The following PATJ variants were observed in gnomAD, a reference collection of about 807,000 sequenced individuals.
PATJ encodes the protein PATJ crumbs cell polarity complex component.
A neutral mutation model predicts 224.9 loss-of-function variants in PATJ; 190 were observed. The ratio of observed to expected loss-of-function variants is 0.84; its 90% CI spans 0.75 to 0.95. The LOEUF (loss-of-function observed/expected upper bound fraction) is 0.95, where lower values mean the gene tolerates loss of function less well. Among genes scored for constraint, PATJ ranks in the 40% least tolerant of loss-of-function variants. The pLI, the probability that PATJ is intolerant of heterozygous loss-of-function variation, is 0.00. For missense variants in PATJ, 2,121 were observed against 2,270.3 expected, an observed-to-expected ratio of 0.93 and a Z score of 1.34; for synonymous variants, 769 against 820.3, an observed-to-expected ratio of 0.94 and a Z score of 1.07.
At chr1:62,024,384 T>C (rs1278831450) in intron 29 of PATJ, among the ~76,000 whole-genome samples, 3 of 152,146 alleles carry the variant, frequency 2.0e-5, no homozygotes, top group Admixed American at 1.3e-4. Flanking sequence ...TTTCAGAAGT[T>C]GATATTGGTC....
At chr1:61,914,520 GA>G (rs546256927) in intron 25 of PATJ, 66 bp from the exon 26 acceptor site, 43 of 740,770 alleles carry the variant, frequency 5.8e-5, no homozygotes, top group South Asian at 1.1e-4. Flanking sequence ...AATGTCAAGA[GA>G]AAAAAAAGGA....
At chr1:62,127,880 A>G in intron 39 of PATJ, 92 bp from the exon 40 acceptor site, 2 of 1,304,650 alleles carry the variant, frequency 1.5e-6, no homozygotes, top group South Asian at 1.3e-5. Flanking sequence ...TACCTCATGG[A>G]GGGATTTTGT....
In PATJ at chr1:61,952,253, T is replaced by TGAGA. The variant is rs111315851; in HGVS notation, c.3670+24447_3670+24450dup. 2,144 of 475,130 alleles carry TGAGA rather than the reference T, an allele frequency of 4.5e-3. 110 individuals are homozygous for TGAGA. In the African/African-American group the frequency reaches 0.047, roughly 11 times the overall value. The allele number at this position is 475,130 out of a possible 1,614,324, so 29.4% of individuals were successfully genotyped here. A position where few individuals can be genotyped will look rare whatever the true frequency, so the allele number is the denominator to read the frequency against. On this transcript the variant is annotated intron_variant, in intron 27 of 43. Transcript: ENST00000642238. ...GGTTGCCCTTAAAGAGAACAAAATCTGAGAGAGAGAGAGAGAGAGAGAGAG... is the reference window on the plus strand; with the variant it reads ...GGTTGCCCTTAAAGAGAACAAAATCTGAGAGAGAGAGAGAGAGAGAGAGAGAGAG...
At chr1:61,902,942 G>T (rs1349125415) in intron 24 of PATJ, among the ~76,000 whole-genome samples, 1 of 152,166 alleles carries the variant, frequency 6.6e-6, no homozygotes, top group Non-Finnish European at 1.5e-5. Context: ...ACATGCAAAA[G>T]CTCCGAGGTA....
rs567919760 is a variant in PATJ, at chr1:62,043,729, G to T, written c.4032+5680G>T. On this transcript the variant is annotated intron_variant, in intron 30 of 43. Transcript: ENST00000642238. The stretch of plus-strand genomic sequence containing the variant: ...GTTTTTTTGTTTGGTTTTGGTTTGG[G>T]GGGGGCAGTTATTTTTTGAAACAGG... Among the ~76,000 whole-genome samples the T allele has an allele frequency of 9.9e-5, 15 of 151,570 alleles. 1 individual carries two copies. In the Middle Eastern group the frequency reaches 0.014, roughly 138 times the overall value.
At chr1:62,130,255 G>A (rs535627424) in intron 41 of PATJ, among the ~76,000 whole-genome samples, 82 of 152,300 alleles carry the variant, frequency 5.4e-4, no homozygotes, top group African/African-American at 1.9e-3. Context: ...GATGGCTTGA[G>A]CCCAAGAGTT....
chr1:61,952,469 T>C (rs1679860535), intron 27 of PATJ: 4 of 716,486 alleles, frequency 5.6e-6, no homozygotes, highest in Non-Finnish European at 7.8e-6. Flanking sequence ...TCTGATGCTG[T>C]TTTAGTGTTG....
chr1:61,937,545 G>C (rs1207210314), intron 27 of PATJ, among the ~76,000 whole-genome samples: 2 of 151,480 alleles, frequency 1.3e-5, no homozygotes, highest in African/African-American at 4.9e-5. Flanking sequence ...TTGCTAGGTG[G>C]AATAGTCTTT....
chr1:61,973,712 T>A (rs1241365476), intron 27 of PATJ, among the ~76,000 whole-genome samples: 1 of 151,974 alleles, frequency 6.6e-6, no homozygotes, highest in Non-Finnish European at 1.5e-5. Flanking sequence ...CTCACCACTT[T>A]CATAGTGATT....
At chr1:61,945,354 T>G (rs1430527988) in intron 27 of PATJ, among the ~76,000 whole-genome samples, 12 of 151,548 alleles carry the variant, frequency 7.9e-5, no homozygotes, top group Non-Finnish European at 1.5e-5. Flanking sequence ...GAGACACACA[T>G]AGGCTCAAAA....
At chr1:61,765,395 T>A (rs1646214599) in intron 3 of PATJ, among the ~76,000 whole-genome samples, 1 of 151,742 alleles carries the variant, frequency 6.6e-6, no homozygotes, top group African/African-American at 2.4e-5. Context: ...ATTCTGTTTT[T>A]TTTTTTGGAG....
chr1:62,120,132 T>C (rs1664880932), intron 37 of PATJ, among the ~76,000 whole-genome samples: 1 of 150,802 alleles, frequency 6.6e-6, no homozygotes. Context: ...CACTATGAAG[T>C]ATACTGAGAT....
At chr1:61,901,541 T>C in intron 24 of PATJ, 82 bp downstream of exon 24, 1 of 1,012,514 alleles carries the variant, frequency 9.9e-7, no homozygotes, top group Non-Finnish European at 1.5e-6. Context: ...GACCTTTCTT[T>C]ATGTGTTGGG....
rs1678490404 is a variant in PATJ, at chr1:61,945,246, T to C, written c.3670+17417T>C. On this transcript the variant is annotated intron_variant, in intron 27 of 43. Coordinates refer to ENST00000642238, the MANE Select transcript of PATJ (RefSeq NM_001350145.3). ...TAACAATATTAACCTTAAATGTAAATGGGCTAAATGCTCCAATTAAAAGAC... is the reference window on the plus strand; with the variant it reads ...TAACAATATTAACCTTAAATGTAAACGGGCTAAATGCTCCAATTAAAAGAC... Among the ~76,000 whole-genome samples the C allele has an allele frequency of 2.6e-5, 4 of 152,240 alleles. No homozygotes were observed. In the South Asian group the frequency reaches 8.4e-4, roughly 32 times the overall value.
intron 26 of PATJ, among the ~76,000 whole-genome samples, 191 bp from the exon 27 acceptor site, chr1:61,927,539 C>A (rs1275835626): frequency 6.6e-6 from 1 of 152,124 alleles, no homozygotes; most frequent in Non-Finnish European, 1.5e-5. Context: ...TGTGTTTATA[C>A]CACAGAGTCA....
chr1:61,840,093 G>A (rs1183537060), intron 17 of PATJ, among the ~76,000 whole-genome samples: 1 of 151,884 alleles, frequency 6.6e-6, no homozygotes, highest in Non-Finnish European at 1.5e-5. Flanking sequence ...ATAAAATATT[G>A]CAGTGTTACT....
chr1:61,766,231 C>A, intron 3 of PATJ, 48 bp from the exon 4 acceptor site: 2 of 1,286,540 alleles, frequency 1.6e-6, no homozygotes, highest in South Asian at 1.4e-5. Flanking sequence ...TAAATAGAAA[C>A]AATTTTTCTA....
chr1:62,150,679 G>GAAAAAAAAAAAAAAA, intron 42 of PATJ, among the ~76,000 whole-genome samples: 1 of 82,008 alleles, frequency 1.2e-5, no homozygotes, highest in Non-Finnish European at 2.2e-5. Context: ...CCTGTCTCAA[G>GAAAAAAAAAAAAAAA]AAAAAAAAAA....
intron 38 of PATJ, among the ~76,000 whole-genome samples, chr1:62,122,279 C>T (rs372520119): frequency 5.4e-5 from 8 of 149,136 alleles, no homozygotes; most frequent in African/African-American, 1.7e-4. Flanking sequence ...GCAGGAGAAT[C>T]GCTTGAACCC....
Sources: allele counts gnomAD v4.1 joint callset (sites outside exome capture counted in the v4.1 genomes callset), GRCh38; gene constraint gnomAD v4.1.1; transcripts MANE v1.5; gene names NCBI Gene and HGNC (gene_info 2026-07-23, HGNC 2026-07-21).